Variants in VASH2 observed in about 807,000 individuals in gnomAD.
VASH2 encodes the protein tubulinyl-Tyr carboxypeptidase 2.
A neutral mutation model predicts 37.2 loss-of-function variants in VASH2; 28 were observed. That is an observed-to-expected ratio of 0.75 (90% CI 0.56 to 1.03). VASH2 has a LOEUF of 1.03. Ranked by LOEUF, VASH2 falls within the 50% of genes least tolerant of loss-of-function variation. The probability of loss-of-function intolerance (pLI) is 0.00; values close to 1 mark genes in which losing one functional copy is unlikely to be tolerated. For synonymous variants in VASH2, 188 were observed against 174.7 expected (o/e 1.08, Z -0.60); for missense variants, 419 against 459.1 (o/e 0.91, Z 0.80).
chr1:212,969,873 C>T (rs1207674909), intron 5 of VASH2, among the ~76,000 whole-genome samples: 1 of 152,210 alleles, frequency 6.6e-6, no homozygotes, highest in African/African-American at 2.4e-5. Context: ...TTGGCCTGTC[C>T]TTCCTTGCCT....
rs1388170633 is a variant in VASH2, at chr1:212,971,532, C to CTT, written c.498-1047_498-1046dup. 3.9e-5 allele frequency among the ~76,000 whole-genome samples: 6 copies of CTT among 152,206 alleles called. No homozygotes were observed. Among genetic ancestry groups the CTT allele is most frequent in the African/African-American group, 1.4e-4 (6 of 41,450 alleles). ...CTGACTTAAGCAGCTAAGGAATGCC[C>CTT]TTGTTCCAGCCCCAGAGAACTTGCC... On this transcript the variant is annotated intron_variant, in intron 5 of 7. Transcript: ENST00000517399. This position sits in a 1 kb window ranked among gnomAD's most constrained non-coding sequence, Gnocchi z 4.0.
chr1:212,961,215 A>G lies in VASH2; in HGVS notation c.326A>G (p.Asp109Gly). 1.2e-6 allele frequency: 2 copies of G among 1,614,172 alleles called. No homozygotes were observed. Among genetic ancestry groups the G allele is most frequent in the East Asian group, 2.2e-5 (1 of 44,880 alleles). ...TACAGGCTGTCGATGACGATCCCAG[A>G]CTGGCTCCAGGCGATCCAGAATTAC... ...PNYRLSMTIP[D>G]WLQAIQNYMK... The change falls in exon 3 of 8, where the codon GAC (aspartate) becomes GGC (glycine). Residue 109 changes from aspartate to glycine, a missense_variant. This residue lies in a region of VASH2 where 158 missense variants were observed against 163.0 expected (regional missense o/e 0.97). Transcript: ENST00000517399.
chr1:212,954,171 C>G (rs569399155), intron 2 of VASH2, among the ~76,000 whole-genome samples: 1 of 152,278 alleles, frequency 6.6e-6, no homozygotes, highest in African/African-American at 2.4e-5. Flanking sequence ...CACTGGCTTC[C>G]CAAAGTGGTG....
chr1:212,989,410 T>C lies in VASH2; in HGVS notation c.*826T>C, dbSNP rs2075834899. 1 of 152,162 alleles carries C rather than the reference T, an allele frequency of 6.6e-6. No individual in the cohort carries two copies. The highest frequency in any genetic ancestry group is 6.5e-5 in the Admixed American group (1 of 15,278). The allele number at this position is 152,162 out of a possible 1,614,324, so 9.4% of individuals were successfully genotyped here. ...AAGCACAAGAGGTCACGTACTATTATACAAATTTAGCGGTACTGGATTTAC... is the reference window on the plus strand; with the variant it reads ...AAGCACAAGAGGTCACGTACTATTACACAAATTTAGCGGTACTGGATTTAC... On this transcript the variant is annotated 3_prime_UTR_variant, in exon 8 of 8. Transcript: ENST00000517399.
intron 3 of VASH2, among the ~76,000 whole-genome samples, chr1:212,963,248 C>A (rs1042038347): frequency 5.3e-5 from 8 of 152,180 alleles, no homozygotes; most frequent in Non-Finnish European, 1.0e-4. Flanking sequence ...CTGCGAAGGT[C>A]AATGACCAAC....
At chr1:212,957,413 A>G (rs1384295671) in intron 2 of VASH2, among the ~76,000 whole-genome samples, 1 of 152,130 alleles carries the variant, frequency 6.6e-6, no homozygotes, top group African/African-American at 2.4e-5. Context: ...ATTGTCACCA[A>G]TGCATCCCCA....
chr1:212,967,302 C>T, intron 5 of VASH2: 2 of 1,251,790 alleles, frequency 1.6e-6, no homozygotes, highest in Non-Finnish European at 2.1e-6. Context: ...ATTCGAGCAT[C>T]ATGCCATTGG....
At chr1:212,986,840 A>G (rs1434063241) in intron 7 of VASH2, among the ~76,000 whole-genome samples, 1 of 152,222 alleles carries the variant, frequency 6.6e-6, no homozygotes, top group African/African-American at 2.4e-5. Context: ...AGACACAAAG[A>G]AATAAGAGGC....
chr1:212,956,106 C>A (rs781307774), intron 2 of VASH2, among the ~76,000 whole-genome samples: 1 of 152,216 alleles, frequency 6.6e-6, no homozygotes, highest in Non-Finnish European at 1.5e-5. Context: ...GTTCTTGCTG[C>A]CTCTCTGGTT....
chr1:212,954,508 C>T (rs1451004116), intron 2 of VASH2, among the ~76,000 whole-genome samples: 1 of 152,144 alleles, frequency 6.6e-6, no homozygotes, highest in East Asian at 1.9e-4. Flanking sequence ...GCAACCTCCA[C>T]CTCCCGGGTT....
chr1:212,968,084 G>T (rs931990646), intron 5 of VASH2: 11 of 498,504 alleles, frequency 2.2e-5, no homozygotes, highest in Non-Finnish European at 2.6e-5. Flanking sequence ...GGAGAGGATC[G>T]GATTTAGGGA....
At chr1:212,985,320 C>T (rs986839440) in intron 7 of VASH2, among the ~76,000 whole-genome samples, 2 of 149,022 alleles carry the variant, frequency 1.3e-5, no homozygotes, top group Admixed American at 1.4e-4. Context: ...GGACTATAAG[C>T]ATGACCCAGC....
Position 212,974,184 on chromosome 1 carries a change from A to ATC in VASH2, c.995+117_995+118dup, listed in dbSNP as rs2102647297. On this transcript the variant is annotated intron_variant, in intron 7 of 7. Coordinates refer to ENST00000517399, the MANE Select transcript of VASH2 (RefSeq NM_001301056.2). ...GGCATGGCATTTGAACCTGACAGCA[A>ATC]TCTCCAAGAGGACTGCCCCTCATTC... 4 of 1,328,090 alleles carry ATC rather than the reference A, an allele frequency of 3.0e-6. No homozygotes were observed. The South Asian group carries it at 6.3e-5, about 21-fold the overall frequency. 82.3% of individuals were successfully genotyped at this position (1,328,090 alleles called of 1,614,324 possible). A position where few individuals can be genotyped will look rare whatever the true frequency, so the allele number is the denominator to read the frequency against.
chr1:212,984,263 A>C (rs1667413609), intron 7 of VASH2, among the ~76,000 whole-genome samples: 3 of 152,260 alleles, frequency 2.0e-5, no homozygotes, highest in Admixed American at 2.0e-4. Flanking sequence ...AAGTTTAAGA[A>C]ACACACAAAC....
At chr1:212,968,926 A>G in intron 5 of VASH2, 1 of 985,364 alleles carries the variant, frequency 1.0e-6, no homozygotes, top group Non-Finnish European at 1.2e-6. Context: ...CCTCCCTTAC[A>G]CAATAGTCTC....
intron 3 of VASH2, 48 bp from the exon 4 acceptor site, chr1:212,965,674 G>T: frequency 6.7e-7 from 1 of 1,482,648 alleles, no homozygotes; most frequent in Non-Finnish European, 9.2e-7. Context: ...CCACATTACT[G>T]GGACCTTTGG....
chr1:212,950,703 C>G lies in VASH2; in HGVS notation c.-242C>G, dbSNP rs954392019. Reference sequence around the variant, plus strand: ...CAGCAGCCCCTGCTCTCCCGCCGCCCGGAGAGGCTCTGCAGCCATGAAGCC... The same window carrying G: ...CAGCAGCCCCTGCTCTCCCGCCGCCGGGAGAGGCTCTGCAGCCATGAAGCC... On this transcript the variant is annotated 5_prime_UTR_variant, in exon 1 of 8. Transcript: ENST00000517399. The surrounding 1 kb of genome is among the most constrained non-coding windows in gnomAD (Gnocchi z 5.5). The G allele has an allele frequency of 6.4e-6, 1 of 155,684 alleles. No homozygotes were observed. The highest frequency in any genetic ancestry group is 6.5e-5 in the Admixed American group (1 of 15,344). 9.6% of individuals were successfully genotyped at this position (155,684 alleles called of 1,614,324 possible).
In VASH2 at chr1:212,973,992, T is replaced by G; in HGVS notation, c.917T>G (p.Val306Gly). The change falls in exon 7 of 8, where the codon GTG becomes GGG. Residue 306 changes from valine (V) to glycine (G), a missense_variant. Transcript: ENST00000517399. Reference sequence around the variant, plus strand: ...GCAAGTGCCCACTCTCCGACCCAAGTGAGAAGCCGGGGAAAATCCCTGTCC... The same window carrying G: ...GCAAGTGCCCACTCTCCGACCCAAGGGAGAAGCCGGGGAAAATCCCTGTCC... ...KPASAHSPTQ[V>G]RSRGKSLSPR... 1 of 1,613,830 alleles carries G rather than the reference T, an allele frequency of 6.2e-7. No individual in the cohort carries two copies. Among genetic ancestry groups the G allele is most frequent in the African/African-American group, 1.3e-5 (1 of 75,006 alleles).
At chr1:212,981,230 G>A (rs1296984240) in intron 7 of VASH2, among the ~76,000 whole-genome samples, 2 of 152,222 alleles carry the variant, frequency 1.3e-5, no homozygotes, top group African/African-American at 4.8e-5. Context: ...AATCTCTTCT[G>A]GGCCGAATCC....
Sources: allele counts gnomAD v4.1 joint callset (sites outside exome capture counted in the v4.1 genomes callset), GRCh38; gene constraint gnomAD v4.1.1; regional missense constraint gnomAD v4.1.1; non-coding constraint Gnocchi (gnomAD v3.1); transcripts MANE v1.5; gene names NCBI Gene and HGNC (gene_info 2026-07-23, HGNC 2026-07-21).